The following ZBTB20 variants were observed in gnomAD, a reference collection of about 807,000 sequenced individuals.
ZBTB20 encodes the protein zinc finger and BTB domain-containing protein 20.
ZBTB20 carries 9 observed loss-of-function variants against 56.9 expected under a neutral mutation model. That is an observed-to-expected ratio of 0.16 (90% CI 0.10 to 0.28). ZBTB20 has a LOEUF of 0.28. Among genes scored for constraint, ZBTB20 ranks in the 10% least tolerant of loss-of-function variants. The probability of loss-of-function intolerance (pLI) is 1.00; values close to 1 mark genes in which losing one functional copy is unlikely to be tolerated. For missense variants in ZBTB20, 655 were observed against 1,003.0 expected (o/e 0.65, Z 4.69); for synonymous variants, 417 against 420.7 (o/e 0.99, Z 0.11).
intron 6 of ZBTB20, among the ~76,000 whole-genome samples, chr3:114,667,965 C>CTCTGTCTTATT (rs2061153707): frequency 6.6e-6 from 1 of 151,890 alleles, no homozygotes; most frequent in South Asian, 2.1e-4. Flanking sequence ...TGCTATAAGA[C>CTCTGTCTTATT]TCTGTCAACA....
intron 6 of ZBTB20, among the ~76,000 whole-genome samples, chr3:114,560,334 T>TGAC (rs1314994034): frequency 6.6e-6 from 1 of 152,206 alleles, no homozygotes; most frequent in African/African-American, 2.4e-5. Flanking sequence ...ATGATGATGA[T>TGAC]GACAGCAACA....
chr3:114,409,366 T>A (rs893142741), intron 7 of ZBTB20, among the ~76,000 whole-genome samples: 1 of 152,100 alleles, frequency 6.6e-6, no homozygotes, highest in Non-Finnish European at 1.5e-5. Context: ...ATTTTCTATC[T>A]TCCTTTTTTC....
intron 10 of ZBTB20, among the ~76,000 whole-genome samples, chr3:114,352,339 C>T (rs1241544424): frequency 2.0e-5 from 3 of 152,188 alleles, no homozygotes; most frequent in African/African-American, 4.8e-5. Context: ...GTTTACATTT[C>T]CCCCAACTTA....
intron 7 of ZBTB20, among the ~76,000 whole-genome samples, chr3:114,464,941 G>C (rs1216645580): frequency 1.3e-5 from 2 of 152,020 alleles, no homozygotes; most frequent in African/African-American, 2.4e-5. Flanking sequence ...GAATATCCAG[G>C]AGTTTGTAGA....
chr3:115,112,756 A>G (rs1168195940), intron 1 of ZBTB20, among the ~76,000 whole-genome samples: 2 of 152,200 alleles, frequency 1.3e-5, no homozygotes, highest in African/African-American at 2.4e-5. Flanking sequence ...TAGTGCTGCA[A>G]TAAACATGGG....
At chr3:115,112,123 T>C (rs1028898690) in intron 1 of ZBTB20, among the ~76,000 whole-genome samples, 26 of 151,948 alleles carry the variant, frequency 1.7e-4, no homozygotes, top group Non-Finnish European at 2.8e-4. Flanking sequence ...GGCTCTTCCA[T>C]GTTTGGGTGT....
At chr3:114,386,772 G>T (rs374477610) in intron 8 of ZBTB20, among the ~76,000 whole-genome samples, 3 of 152,210 alleles carry the variant, frequency 2.0e-5, no homozygotes, top group East Asian at 3.9e-4. Context: ...TTTTTTGGGG[G>T]TAGAATGGGG....
At chr3:114,697,736 G>C (rs2063132298) in intron 5 of ZBTB20, among the ~76,000 whole-genome samples, 1 of 151,782 alleles carries the variant, frequency 6.6e-6, no homozygotes, top group Admixed American at 6.6e-5. Context: ...TAAAAAGAAA[G>C]GAGCAGGAGA....
intron 8 of ZBTB20, among the ~76,000 whole-genome samples, chr3:114,382,096 T>C (rs1220613305): frequency 1.3e-5 from 2 of 152,248 alleles, no homozygotes; most frequent in Non-Finnish European, 2.9e-5. Flanking sequence ...TCTCTATCAC[T>C]GTTGTCTACC....
chr3:115,030,456 A>G (rs940873176), intron 2 of ZBTB20, among the ~76,000 whole-genome samples: 1 of 151,266 alleles, frequency 6.6e-6, no homozygotes, highest in Admixed American at 6.6e-5. Flanking sequence ...AGAAAGGGTA[A>G]TATTTTACCT....
In ZBTB20 at chr3:114,598,969, CG is replaced by C. The variant is rs35145720; in HGVS notation, c.-295+94558del. Among the ~76,000 whole-genome samples, 20 of 151,610 alleles carry C rather than the reference CG, an allele frequency of 1.3e-4. No homozygotes were observed. In the East Asian group the frequency reaches 3.1e-3, roughly 23 times the overall value. ...AGAAAGATCCTTTACATTCCCTTAACGGGGGGGGACCCAAAACAGCTTTATG... is the reference window on the plus strand; with the variant it reads ...AGAAAGATCCTTTACATTCCCTTAACGGGGGGGACCCAAAACAGCTTTATG... On this transcript the variant is annotated intron_variant, in intron 6 of 11. Coordinates refer to ENST00000675478, the MANE Select transcript of ZBTB20 (RefSeq NM_001348800.3).
intron 7 of ZBTB20, among the ~76,000 whole-genome samples, chr3:114,389,746 A>G (rs2085610868): frequency 6.6e-6 from 1 of 151,664 alleles, no homozygotes; most frequent in Non-Finnish European, 1.5e-5. Context: ...AAAATTAGCC[A>G]GGCGTGATGG....
At chr3:115,050,698 G>A (rs972695137) in intron 2 of ZBTB20, among the ~76,000 whole-genome samples, 7 of 151,928 alleles carry the variant, frequency 4.6e-5, no homozygotes, top group African/African-American at 1.7e-4. Context: ...GGCATAACTG[G>A]CATGTAAACT....
intron 6 of ZBTB20, chr3:114,502,727 A>G (rs1412072369): frequency 6.6e-6 from 1 of 152,080 alleles, no homozygotes; most frequent in African/African-American, 2.4e-5. Flanking sequence ...GCACAGGGGC[A>G]TATTTTCTTA....
At chr3:114,800,453 T>C (rs1038011149) in intron 5 of ZBTB20, among the ~76,000 whole-genome samples, 3 of 151,850 alleles carry the variant, frequency 2.0e-5, no homozygotes, top group Admixed American at 6.6e-5. Context: ...GACTCTGACA[T>C]GCATTTATGG....
At chr3:114,436,538 A>C (rs958936083) in intron 7 of ZBTB20, among the ~76,000 whole-genome samples, 5 of 152,192 alleles carry the variant, frequency 3.3e-5, no homozygotes, top group African/African-American at 1.2e-4. Flanking sequence ...TTGGGTTTTA[A>C]ATTTGTTTAT....
At chr3:115,044,480 T>C (rs1342783053) in intron 2 of ZBTB20, among the ~76,000 whole-genome samples, 2 of 152,186 alleles carry the variant, frequency 1.3e-5, no homozygotes, top group Admixed American at 1.3e-4. Flanking sequence ...GCAAAATAAA[T>C]GACAGTGAAG....
At chr3:114,462,279 A>C (rs1418697787) in intron 7 of ZBTB20, among the ~76,000 whole-genome samples, 1 of 152,216 alleles carries the variant, frequency 6.6e-6, no homozygotes, top group African/African-American at 2.4e-5. Flanking sequence ...CCAGGCCAAA[A>C]TAAAGGCTGG....
chr3:114,817,160 TAA>T (rs1225119918), intron 4 of ZBTB20, among the ~76,000 whole-genome samples: 2 of 149,748 alleles, frequency 1.3e-5, no homozygotes, highest in East Asian at 2.0e-4. Context: ...CTCTCTATAT[TAA>T]GTCTATATGA....
Sources: allele counts gnomAD v4.1 joint callset (sites outside exome capture counted in the v4.1 genomes callset), GRCh38; gene constraint gnomAD v4.1.1; transcripts MANE v1.5; gene names NCBI Gene and HGNC (gene_info 2026-07-23, HGNC 2026-07-21).